Variants in RHEB observed in about 807,000 individuals in gnomAD.
RHEB encodes the protein Ras homolog, mTORC1 binding, also known as GTP-binding protein Rheb.
In RHEB, 2 loss-of-function variants were observed where a neutral mutation model predicts 28.8. The ratio of observed to expected loss-of-function variants is 0.07; its 90% CI spans 0.03 to 0.22. RHEB has a LOEUF of 0.22. Among genes scored for constraint, RHEB ranks in the 10% least tolerant of loss-of-function variants. The pLI, the probability that RHEB is intolerant of heterozygous loss-of-function variation, is 1.00. For synonymous variants in RHEB, 69 were observed against 77.3 expected, an observed-to-expected ratio of 0.89 and a Z score of 0.56; for missense variants, 76 against 219.9, an observed-to-expected ratio of 0.35 and a Z score of 4.14.
chr7:151,469,947 G>C (rs1195205410), intron 7 of RHEB, among the ~76,000 whole-genome samples: 1 of 152,124 alleles, frequency 6.6e-6, no homozygotes, highest in Non-Finnish European at 1.5e-5. Flanking sequence ...AAAATGTATA[G>C]GTGAAAAATG....
At chr7:151,498,557 G>C (rs1802714455) in intron 1 of RHEB, among the ~76,000 whole-genome samples, 2 of 152,036 alleles carry the variant, frequency 1.3e-5, no homozygotes, top group Non-Finnish European at 2.9e-5. Flanking sequence ...AGCCCGGGAG[G>C]TCAAAGCTGC....
chr7:151,473,350 A>G (rs1802199452), intron 4 of RHEB, among the ~76,000 whole-genome samples: 3 of 152,332 alleles, frequency 2.0e-5, no homozygotes, highest in African/African-American at 7.2e-5. Flanking sequence ...AGCCACGTGA[A>G]CACGCTGGGA....
At chr7:151,484,831 T>C in intron 2 of RHEB, 27 bp from the exon 3 acceptor site, 1 of 1,536,432 alleles carries the variant, frequency 6.5e-7, no homozygotes, top group East Asian at 2.2e-5. Flanking sequence ...AATTAAACAT[T>C]AGTTTAAAAA....
chr7:151,491,315 G>T (rs1210466244), intron 1 of RHEB, among the ~76,000 whole-genome samples: 1 of 152,188 alleles, frequency 6.6e-6, no homozygotes, highest in Non-Finnish European at 1.5e-5. Context: ...AAGGTTTAAA[G>T]TAAGCTAATT....
At chr7:151,479,924 G>A (rs188526083) in intron 3 of RHEB, among the ~76,000 whole-genome samples, 2 of 152,094 alleles carry the variant, frequency 1.3e-5, no homozygotes, top group Admixed American at 1.3e-4. Context: ...TAATTCATAG[G>A]GGGAAAAATA....
Position 151,468,260 on chromosome 7 carries a change from T to A in RHEB, c.463-1049A>T, listed in dbSNP as rs1802099662. 6.6e-6 allele frequency among the ~76,000 whole-genome samples: 1 copy of A among 152,246 alleles called. No individual in the cohort carries two copies. The highest frequency in any genetic ancestry group is 6.5e-5 in the Admixed American group (1 of 15,288). Reference sequence around the variant, plus strand: ...TTCTCAGCCCCACAAGGGGCCTGATTTGTTGACCCTATTATTACATCTCCC... The same window carrying A: ...TTCTCAGCCCCACAAGGGGCCTGATATGTTGACCCTATTATTACATCTCCC... On this transcript the variant is annotated intron_variant, in intron 7 of 7. Coordinates refer to ENST00000262187, the MANE Select transcript of RHEB (RefSeq NM_005614.4). This position sits in a 1 kb window ranked among gnomAD's most constrained non-coding sequence, Gnocchi z 4.3.
At position 151,467,045 on chromosome 7, in the gene RHEB, A is replaced by G. The variant is rs1802075845; in HGVS notation, c.*74T>C. ...ACAGAAGAAAAAAGAAGCATAGTTT[A>G]TCTTCAAGGAGAACGGGCAGTTTGC... On this transcript the variant is annotated 3_prime_UTR_variant, in exon 8 of 8. Coordinates refer to ENST00000262187, the MANE Select transcript of RHEB (RefSeq NM_005614.4). The G allele has an allele frequency of 2.4e-5, 26 of 1,072,176 alleles. No homozygotes were observed. Among genetic ancestry groups the G allele is most frequent in the Non-Finnish European group, 4.3e-6 (3 of 693,474 alleles). 66.4% of individuals were successfully genotyped at this position (1,072,176 alleles called of 1,614,324 possible).
chr7:151,496,463 A>AT (rs1193132313), intron 1 of RHEB, among the ~76,000 whole-genome samples: 1 of 152,026 alleles, frequency 6.6e-6, no homozygotes, highest in Non-Finnish European at 1.5e-5. Flanking sequence ...GCCATGACCC[A>AT]TACTATTTTT....
intron 1 of RHEB, chr7:151,503,326 AT>A: frequency 1.2e-6 from 1 of 844,690 alleles, no homozygotes; most frequent in Non-Finnish European, 2.1e-6. Context: ...GTTGGAAATG[AT>A]CACAGATAAA....
At chr7:151,518,035 A>G (rs1432190053) in intron 1 of RHEB, 1 of 151,926 alleles carries the variant, frequency 6.6e-6, no homozygotes, top group Non-Finnish European at 1.5e-5. Flanking sequence ...TTCCATGTTG[A>G]TATTTGAACA....
intron 4 of RHEB, among the ~76,000 whole-genome samples, chr7:151,476,162 T>A (rs533652355): frequency 4.1e-4 from 62 of 152,306 alleles, no homozygotes; most frequent in African/African-American, 1.4e-3. Context: ...TAGCTAGAAC[T>A]CAACACCCTA....
intron 1 of RHEB, among the ~76,000 whole-genome samples, chr7:151,497,075 G>C (rs1324870191): frequency 6.6e-6 from 1 of 151,530 alleles, no homozygotes; most frequent in South Asian, 2.1e-4. Context: ...GGTATGAGCC[G>C]CCGCACCCAG....
At chr7:151,496,187 G>A (rs761646746) in intron 1 of RHEB, among the ~76,000 whole-genome samples, 1 of 152,088 alleles carries the variant, frequency 6.6e-6, no homozygotes, top group African/African-American at 2.4e-5. Flanking sequence ...AGCTAACAGT[G>A]GGCCTGAAAG....
intron 1 of RHEB, among the ~76,000 whole-genome samples, chr7:151,495,896 G>A (rs944615621): frequency 3.9e-5 from 6 of 152,220 alleles, no homozygotes; most frequent in African/African-American, 1.4e-4. Context: ...AGGCTGCAGT[G>A]TGCGTTGAGC....
chr7:151,517,628 C>A (rs1174179642), intron 1 of RHEB, among the ~76,000 whole-genome samples: 1 of 147,288 alleles, frequency 6.8e-6, no homozygotes, highest in African/African-American at 2.5e-5. Context: ...CTCAGGAGGA[C>A]GCTGAATAGA....
At chr7:151,492,819 A>ATT (rs768231072) in intron 1 of RHEB, among the ~76,000 whole-genome samples, 5 of 150,662 alleles carry the variant, frequency 3.3e-5, no homozygotes, top group Non-Finnish European at 5.9e-5. Context: ...CCTCATTGCA[A>ATT]TTAGAATAAA....
At chr7:151,496,009 G>C (rs1313191002) in intron 1 of RHEB, among the ~76,000 whole-genome samples, 2 of 152,158 alleles carry the variant, frequency 1.3e-5, no homozygotes, top group Non-Finnish European at 2.9e-5. Context: ...GGATATGATG[G>C]GGAAGACCAG....
chr7:151,466,699 C>A lies in RHEB; in HGVS notation c.*420G>T. ...CTTCTTTGAAAGCCACATCAAGTAG[C>A]ACAAAGGACTGAGGTTTGCAGCTAT... On this transcript the variant is annotated 3_prime_UTR_variant, in exon 8 of 8. Coordinates refer to ENST00000262187, the MANE Select transcript of RHEB (RefSeq NM_005614.4). The A allele has an allele frequency of 6.4e-6, 1 of 156,486 alleles. No individual in the cohort carries two copies. Among genetic ancestry groups the A allele is most frequent in the Non-Finnish European group, 1.4e-5 (1 of 70,956 alleles). 9.7% of individuals were successfully genotyped at this position (156,486 alleles called of 1,614,324 possible).
Position 151,517,902 on chromosome 7 carries a change from G to A in RHEB, c.52+1558C>T, listed in dbSNP as rs533763836. 2.6e-5 allele frequency: 4 copies of A among 152,252 alleles called. No homozygotes were observed. The South Asian group carries it at 8.3e-4, about 32-fold the overall frequency. The allele number at this position is 152,252 out of a possible 1,614,324, so 9.4% of individuals were successfully genotyped here. A position where few individuals can be genotyped will look rare whatever the true frequency, so the allele number is the denominator to read the frequency against. On this transcript the variant is annotated intron_variant, in intron 1 of 7. Coordinates refer to ENST00000262187, the MANE Select transcript of RHEB (RefSeq NM_005614.4). Reference sequence around the variant, plus strand: ...CAATAAGTACTTACTTGACTGACTAGGGAAGGCTCACCCAAGAGCCAGAAC... The same window carrying A: ...CAATAAGTACTTACTTGACTGACTAAGGAAGGCTCACCCAAGAGCCAGAAC...
Sources: allele counts gnomAD v4.1 joint callset (sites outside exome capture counted in the v4.1 genomes callset), GRCh38; gene constraint gnomAD v4.1.1; non-coding constraint Gnocchi (gnomAD v3.1); transcripts MANE v1.5; gene names NCBI Gene and HGNC (gene_info 2026-07-23, HGNC 2026-07-21).